SCRG1: variants seen among roughly 807,000 people sequenced by gnomAD.
SCRG1 encodes the protein scrapie-responsive protein 1.
In SCRG1, 3 loss-of-function variants were observed where a neutral mutation model predicts 7.7. That is an observed-to-expected ratio of 0.39 (90% CI 0.18 to 1.01). The LOEUF (loss-of-function observed/expected upper bound fraction) is 1.01. SCRG1 is among the 50% of genes least tolerant of loss of function. The probability of loss-of-function intolerance (pLI) is 0.36; values close to 1 mark genes in which losing one functional copy is unlikely to be tolerated. For synonymous variants in SCRG1, 46 were observed against 41.2 expected (o/e 1.12, Z -0.44); for missense variants, 110 against 117.2 (o/e 0.94, Z 0.28).
At chr4:173,460,856 A>T in the SCRG1 span, among the ~76,000 whole-genome samples, 2 of 152,180 alleles carry the variant, frequency 1.3e-5, no homozygotes, top group Non-Finnish European at 2.9e-5. Context: ...TGTGATTACC[A>T]GGCTAGGCAG....
At chr4:173,414,587 T>A in the SCRG1 span, among the ~76,000 whole-genome samples, 63,981 of 152,070 alleles carry the variant, frequency 0.42, 15,366 homozygotes, top group Non-Finnish European at 0.54. Context: ...TCATGCCCTC[T>A]TGATCATGTC....
the SCRG1 span, among the ~76,000 whole-genome samples, chr4:173,513,845 A>C: frequency 6.6e-6 from 1 of 152,224 alleles, no homozygotes; most frequent in African/African-American, 2.4e-5. Flanking sequence ...GATGCATAAG[A>C]AATGAATCAC....
chr4:173,417,259 T>A, the SCRG1 span, among the ~76,000 whole-genome samples: 4 of 152,180 alleles, frequency 2.6e-5, no homozygotes, highest in African/African-American at 9.7e-5. Flanking sequence ...TCTACAGGCA[T>A]GTTTTACCCC....
the SCRG1 span, among the ~76,000 whole-genome samples, chr4:173,465,035 A>G: frequency 6.6e-6 from 1 of 152,206 alleles, no homozygotes; most frequent in Non-Finnish European, 1.5e-5. Flanking sequence ...AGTACCTAGT[A>G]TAGTCAAATT....
At chr4:173,389,798 T>C in intron 2 of SCRG1, 1 of 381,110 alleles carries the variant, frequency 2.6e-6, no homozygotes, top group Non-Finnish European at 5.5e-6. Context: ...GGGATAGTAC[T>C]GGTCACTTCA....
the SCRG1 span, among the ~76,000 whole-genome samples, chr4:173,465,751 T>A: frequency 0.29 from 43,852 of 151,752 alleles, 6,528 homozygotes; most frequent in South Asian, 0.47. Flanking sequence ...AATAAATAAA[T>A]TTATATTCTT....
At chr4:173,450,022 G>C in the SCRG1 span, among the ~76,000 whole-genome samples, 1 of 152,150 alleles carries the variant, frequency 6.6e-6, no homozygotes, top group African/African-American at 2.4e-5. Context: ...CTGGTATAAA[G>C]ACATACCTAA....
At chr4:173,479,435 G>GTTTTTTT in the SCRG1 span, among the ~76,000 whole-genome samples, 19 of 125,924 alleles carry the variant, frequency 1.5e-4, 3 homozygotes, top group South Asian at 2.8e-4. Context: ...TTGTTTGTTT[G>GTTTTTTT]TTTTTTTGTT....
the SCRG1 span, among the ~76,000 whole-genome samples, chr4:173,435,947 A>G: frequency 2.0e-5 from 3 of 152,234 alleles, no homozygotes; most frequent in Non-Finnish European, 4.4e-5. Flanking sequence ...TAACTTGGTC[A>G]TCACAAAGAG....
the SCRG1 span, among the ~76,000 whole-genome samples, chr4:173,514,989 A>C: frequency 6.6e-6 from 1 of 152,228 alleles, no homozygotes; most frequent in African/African-American, 2.4e-5. Flanking sequence ...TTTCCCACAA[A>C]GGCAGGTGGT....
the SCRG1 span, among the ~76,000 whole-genome samples, chr4:173,483,995 A>T: frequency 4.7e-3 from 352 of 74,172 alleles, 3 homozygotes; most frequent in Non-Finnish European, 7.5e-3. Context: ...ATTATATATG[A>T]TATATATTAC....
the SCRG1 span, among the ~76,000 whole-genome samples, chr4:173,463,731 T>C: frequency 7.2e-5 from 11 of 152,206 alleles, no homozygotes; most frequent in Non-Finnish European, 1.3e-4. Flanking sequence ...TTTTGTGATT[T>C]TGTGTTTATA....
chr4:173,390,377 T>C (rs1171273598), intron 2 of SCRG1, among the ~76,000 whole-genome samples: 3 of 152,172 alleles, frequency 2.0e-5, no homozygotes, highest in Non-Finnish European at 4.4e-5. Flanking sequence ...GGTTAACTTA[T>C]ACATAGAGCT....
the SCRG1 span, among the ~76,000 whole-genome samples, chr4:173,494,836 T>C: frequency 6.6e-6 from 1 of 152,244 alleles, no homozygotes; most frequent in African/African-American, 2.4e-5. Context: ...CAGAAATAAC[T>C]GCGGCACTTA....
At chr4:173,476,006 T>A in the SCRG1 span, among the ~76,000 whole-genome samples, 17 of 152,224 alleles carry the variant, frequency 1.1e-4, no homozygotes, top group East Asian at 2.3e-3. Context: ...AAGCAGAAGG[T>A]GGTGATGGTT....
At chr4:173,467,318 A>C in the SCRG1 span, among the ~76,000 whole-genome samples, 1 of 152,136 alleles carries the variant, frequency 6.6e-6, no homozygotes, top group Admixed American at 6.6e-5. Flanking sequence ...GACATCCTTT[A>C]TACTATGTAA....
intron 1 of SCRG1, among the ~76,000 whole-genome samples, chr4:173,398,088 G>A (rs1426522786): frequency 6.6e-6 from 1 of 152,116 alleles, no homozygotes. Context: ...AGCTGCCTTA[G>A]AAGACGTTTT....
the SCRG1 span, among the ~76,000 whole-genome samples, chr4:173,485,071 ATATATTATATAATATATTATATAT>A: frequency 1.9e-4 from 2 of 10,306 alleles, no homozygotes; most frequent in Non-Finnish European, 4.4e-4. Flanking sequence ...ATTATATATT[ATATATTATATAATATATTATATAT>A]TATATATTAT....
chr4:173,500,636 C>A, the SCRG1 span, among the ~76,000 whole-genome samples: 1 of 152,130 alleles, frequency 6.6e-6, no homozygotes, highest in Non-Finnish European at 1.5e-5. Context: ...TCCGCTACCA[C>A]GCCCAGCTAA....
Sources: gnomAD v4.1 joint callset for allele counts (sites outside exome capture counted in the v4.1 genomes callset) on GRCh38, gnomAD v4.1.1 for gene constraint, MANE v1.5 for transcripts, NCBI Gene and HGNC (gene_info 2026-07-23, HGNC 2026-07-21) for gene names.